The following EPHA6 variants were observed in gnomAD, a reference collection of about 807,000 sequenced individuals.
EPHA6 encodes the protein ephrin type-A receptor 6.
Under a neutral mutation model 112.0 loss-of-function variants are expected in EPHA6, and 50 were observed. The observed-to-expected ratio is 0.45, with a 90% CI of 0.36 to 0.56. EPHA6 has a LOEUF of 0.56. Ranked by LOEUF, EPHA6 falls within the 20% of genes least tolerant of loss-of-function variation. EPHA6 has a pLI of 0.00. For missense variants in EPHA6, 1,280 were observed against 1,417.4 expected (o/e 0.90, Z 1.56); for synonymous variants, 529 against 490.7 (o/e 1.08, Z -1.03).
chr3:97,760,411 T>A lies in EPHA6; in HGVS notation c.*11710T>A, dbSNP rs2036131371. The stretch of plus-strand genomic sequence containing the variant: ...ATATGTATGTGTGTATGTGTGTATA[T>A]ATATCTCTCTAGGTTGTATGTAATT... On this transcript the variant is annotated 3_prime_UTR_variant, in exon 18 of 18. Coordinates refer to ENST00000389672, the MANE Select transcript of EPHA6 (RefSeq NM_001080448.3). 1 of 166,528 alleles carries A rather than the reference T, an allele frequency of 6.0e-6. No individual in the cohort carries two copies. Among genetic ancestry groups the A allele is most frequent in the South Asian group, 2.0e-4 (1 of 4,934 alleles). The allele number at this position is 166,528 out of a possible 1,614,324, so 10.3% of individuals were successfully genotyped here. A position where few individuals can be genotyped will look rare whatever the true frequency, so the allele number is the denominator to read the frequency against.
At chr3:97,745,989 T>C (rs1056289744) in intron 16 of EPHA6, among the ~76,000 whole-genome samples, 3 of 151,876 alleles carry the variant, frequency 2.0e-5, no homozygotes, top group Non-Finnish European at 4.4e-5. Flanking sequence ...GGTGTAATCA[T>C]TTGTGCTCGT....
chr3:97,357,776 T>G (rs2084161063), intron 5 of EPHA6, among the ~76,000 whole-genome samples: 1 of 152,190 alleles, frequency 6.6e-6, no homozygotes, highest in South Asian at 2.1e-4. Context: ...TTGTATGTAT[T>G]GTATACTATA....
intron 5 of EPHA6, among the ~76,000 whole-genome samples, chr3:97,329,090 G>C (rs2082637554): frequency 6.6e-6 from 1 of 152,030 alleles, no homozygotes; most frequent in South Asian, 2.1e-4. Context: ...CCTTGCGATA[G>C]TTTGCTGAGA....
intron 5 of EPHA6, among the ~76,000 whole-genome samples, chr3:97,338,153 C>T (rs114909243): frequency 0.015 from 2,298 of 151,826 alleles, 50 homozygotes; most frequent in African/African-American, 0.052. Flanking sequence ...AGAGTCTACC[C>T]CTTAAAATCC....
chr3:97,614,135 G>T (rs571446451), intron 13 of EPHA6, among the ~76,000 whole-genome samples: 3 of 151,904 alleles, frequency 2.0e-5, no homozygotes, highest in African/African-American at 7.2e-5. Flanking sequence ...TATACTTTAA[G>T]TTTTAGGGTA....
chr3:97,097,697 T>G (rs942967145), intron 3 of EPHA6, among the ~76,000 whole-genome samples: 1 of 151,952 alleles, frequency 6.6e-6, no homozygotes, highest in Non-Finnish European at 1.5e-5. Flanking sequence ...ATCTGTCTTA[T>G]GTCAAGCCTG....
At chr3:96,879,669 T>C (rs371914896) in intron 2 of EPHA6, among the ~76,000 whole-genome samples, 42 of 152,300 alleles carry the variant, frequency 2.8e-4, no homozygotes, top group African/African-American at 9.6e-4. Context: ...TTGTGTCATC[T>C]GTGATTTCTT....
At chr3:97,485,006 T>G (rs1370739195) in intron 10 of EPHA6, among the ~76,000 whole-genome samples, 1 of 152,226 alleles carries the variant, frequency 6.6e-6, no homozygotes, top group African/African-American at 2.4e-5. Flanking sequence ...ACAGCTGCCA[T>G]GCATGCAGCT....
chr3:97,737,639 T>C (rs1221549359), intron 16 of EPHA6, among the ~76,000 whole-genome samples: 1 of 151,942 alleles, frequency 6.6e-6, no homozygotes, highest in African/African-American at 2.4e-5. Flanking sequence ...ATGAGACCAT[T>C]TGAACATGCT....
At chr3:97,321,280 G>A (rs115153135) in intron 5 of EPHA6, among the ~76,000 whole-genome samples, 2,805 of 151,836 alleles carry the variant, frequency 0.018, 84 homozygotes, top group African/African-American at 0.057. Context: ...TTGTCACTTT[G>A]GGTTTTAGAT....
chr3:97,231,572 T>G (rs758017260), intron 4 of EPHA6, among the ~76,000 whole-genome samples: 1 of 152,142 alleles, frequency 6.6e-6, no homozygotes, highest in Non-Finnish European at 1.5e-5. Flanking sequence ...TTATATACCC[T>G]CTTTGTAGGG....
rs577344819 is a variant in EPHA6 at position 97,122,531 on chromosome 3, A to G, written c.1115-103733A>G. Among the ~76,000 whole-genome samples, 4 of 152,212 alleles carry G rather than the reference A, an allele frequency of 2.6e-5. No individual in the cohort carries two copies. The East Asian group carries it at 7.7e-4, about 29-fold the overall frequency. On this transcript the variant is annotated intron_variant, in intron 3 of 17. Transcript: ENST00000389672. ...TAAATCAAAATGTATTTTAATAGAA[A>G]GAAAAAAACACTACAAATATCTCTG...
chr3:97,323,992 A>G (rs2082244209), intron 5 of EPHA6, among the ~76,000 whole-genome samples: 1 of 151,982 alleles, frequency 6.6e-6, no homozygotes, highest in African/African-American at 2.4e-5. Flanking sequence ...TTTAAAAAAA[A>G]AATGCAGCTT....
chr3:97,071,716 C>T (rs376407301), intron 3 of EPHA6, among the ~76,000 whole-genome samples: 5 of 152,106 alleles, frequency 3.3e-5, no homozygotes, highest in African/African-American at 9.6e-5. Flanking sequence ...ACAGCCAAAC[C>T]ATATCACATT....
intron 5 of EPHA6, among the ~76,000 whole-genome samples, chr3:97,349,630 G>T (rs1448896559): frequency 6.6e-6 from 1 of 152,052 alleles, no homozygotes; most frequent in Non-Finnish European, 1.5e-5. Flanking sequence ...AAATATAATT[G>T]CTTGCCTACC....
intron 13 of EPHA6, among the ~76,000 whole-genome samples, chr3:97,611,264 A>G (rs750384360): frequency 6.6e-6 from 1 of 151,866 alleles, no homozygotes; most frequent in African/African-American, 2.4e-5. Context: ...GTATTTACCA[A>G]CAATGACTCA....
chr3:96,988,078 G>T, intron 3 of EPHA6, 85 bp downstream of exon 3: 1 of 1,092,684 alleles, frequency 9.2e-7, no homozygotes, highest in Non-Finnish European at 1.3e-6. Flanking sequence ...AATAGTAATT[G>T]TGCATATTCA....
intron 3 of EPHA6, among the ~76,000 whole-genome samples, chr3:97,224,202 AT>A (rs1378760516): frequency 6.6e-6 from 1 of 152,164 alleles, no homozygotes; most frequent in Non-Finnish European, 1.5e-5. Flanking sequence ...AAAATTATTT[AT>A]ATGTGTCTCA....
intron 16 of EPHA6, among the ~76,000 whole-genome samples, chr3:97,740,586 AG>A (rs1224655080): frequency 2.0e-5 from 3 of 152,152 alleles, no homozygotes; most frequent in African/African-American, 7.2e-5. Flanking sequence ...GTAACTTTAA[AG>A]CACTTAGTTT....
Sources: allele counts gnomAD v4.1 joint callset (sites outside exome capture counted in the v4.1 genomes callset), GRCh38; gene constraint gnomAD v4.1.1; transcripts MANE v1.5; gene names NCBI Gene and HGNC (gene_info 2026-07-23, HGNC 2026-07-21).